The following SLC29A3 variants were observed in gnomAD, a reference collection of about 807,000 sequenced individuals.
SLC29A3 encodes the protein equilibrative nucleoside transporter 3.
SLC29A3 carries 18 observed loss-of-function variants against 25.4 expected under a neutral mutation model. That is an observed-to-expected ratio of 0.71 (90% CI 0.49 to 1.05). The LOEUF is 1.05. SLC29A3 is among the 50% of genes least tolerant of loss of function. The pLI, the probability that SLC29A3 is intolerant of heterozygous loss-of-function variation, is 0.00. For missense variants in SLC29A3, 586 were observed against 609.0 expected (o/e 0.96, Z 0.40); for synonymous variants, 258 against 267.1 (o/e 0.97, Z 0.33).
chr10:71,356,845 AAAG>A (rs1846926847), intron 5 of SLC29A3, among the ~76,000 whole-genome samples: 1 of 152,084 alleles, frequency 6.6e-6, no homozygotes, highest in Non-Finnish European at 1.5e-5. Flanking sequence ...CAAACAAACA[AAAG>A]ACAAACTCAC....
At chr10:71,327,205 C>T (rs1279173949) in intron 2 of SLC29A3, among the ~76,000 whole-genome samples, 2 of 152,184 alleles carry the variant, frequency 1.3e-5, no homozygotes, top group Non-Finnish European at 2.9e-5. Context: ...AAGGTTTACC[C>T]AGACACCCTC....
intron 2 of SLC29A3, among the ~76,000 whole-genome samples, chr10:71,336,876 G>C (rs1005893197): frequency 2.6e-5 from 4 of 152,232 alleles, no homozygotes; most frequent in African/African-American, 9.6e-5. Flanking sequence ...TTGAAGGCTG[G>C]GGAGAGCCCC....
At chr10:71,370,997 T>C (rs1025794700) in intron 3 of SLC29A3, among the ~76,000 whole-genome samples, 4 of 152,002 alleles carry the variant, frequency 2.6e-5, no homozygotes, top group Non-Finnish European at 4.4e-5. Context: ...CCCAGGCTGG[T>C]CTCGAACTCC....
intron 3 of SLC29A3, among the ~76,000 whole-genome samples, chr10:71,345,527 C>T (rs1417382415): frequency 1.3e-5 from 2 of 152,170 alleles, no homozygotes; most frequent in African/African-American, 4.8e-5. Flanking sequence ...GTCACAAAGC[C>T]CCCTTCATTT....
intron 1 of SLC29A3, chr10:71,319,528 C>A: frequency 2.4e-6 from 1 of 416,656 alleles, no homozygotes; most frequent in Non-Finnish European, 4.2e-6. Flanking sequence ...TCCCCAAATC[C>A]TCTCCCCTCC....
intron 2 of SLC29A3, among the ~76,000 whole-genome samples, chr10:71,326,467 C>T (rs1845974236): frequency 6.6e-6 from 1 of 152,216 alleles, no homozygotes; most frequent in Admixed American, 6.5e-5. Context: ...TTACAATCCG[C>T]TTTTATTTAC....
downstream of SLC29A3, chr10:71,364,245 T>C (rs1847144379): frequency 6.6e-6 from 1 of 152,212 alleles, no homozygotes; most frequent in Non-Finnish European, 1.5e-5. Flanking sequence ...CAGGTTTCTT[T>C]TTTGTGAACA....
intron 5 of SLC29A3, among the ~76,000 whole-genome samples, chr10:71,358,203 G>A (rs377013986): frequency 3.9e-5 from 6 of 152,080 alleles, no homozygotes; most frequent in South Asian, 2.1e-4. Context: ...TCCCTGGCTC[G>A]CAACTGCAAG....
At chr10:71,319,726 CCACAGGT>C in intron 1 of SLC29A3, 1 of 182,936 alleles carries the variant, frequency 5.5e-6, no homozygotes, top group African/African-American at 2.3e-5. Flanking sequence ...CAGTGCCTTC[CCACAGGT>C]TAGCCCTACC....
chr10:71,323,762 T>A (rs1334877273), intron 2 of SLC29A3, among the ~76,000 whole-genome samples: 5 of 152,176 alleles, frequency 3.3e-5, no homozygotes, highest in African/African-American at 1.2e-4. Flanking sequence ...GAGAGATTGC[T>A]GTGACTTGGG....
chr10:71,354,589 G>T (rs534068502), intron 4 of SLC29A3, among the ~76,000 whole-genome samples: 75 of 152,306 alleles, frequency 4.9e-4, no homozygotes, highest in Non-Finnish European at 8.7e-4. Flanking sequence ...CCTCTGCTTC[G>T]TGCAATAGTG....
rs1235309787 is a variant in SLC29A3 at position 71,322,909 on chromosome 10, G to A, written c.155G>A (p.Gly52Asp). ...GLQRPEDRFCGTYIIFFSLGI... is the reference protein window; with the variant it reads ...GLQRPEDRFCDTYIIFFSLGI... ...CAGAGGCCCGAGGACCGCTTCTGTGGCACATACATCATCTTCTTCAGCCTG... is the reference window on the plus strand; with the variant it reads ...CAGAGGCCCGAGGACCGCTTCTGTGACACATACATCATCTTCTTCAGCCTG... The change falls in exon 2 of 6, where the codon GGC becomes GAC. Residue 52 changes from glycine (G) to aspartate (D), a missense_variant. Transcript: ENST00000373189. The A allele has an allele frequency of 2.5e-6, 4 of 1,614,106 alleles. No homozygotes were observed. In the African/African-American group the frequency reaches 4.0e-5, roughly 16 times the overall value.
chr10:71,348,246 T>G (rs1281724239), intron 3 of SLC29A3, among the ~76,000 whole-genome samples: 1 of 152,272 alleles, frequency 6.6e-6, no homozygotes, highest in East Asian at 1.9e-4. Context: ...GCGCCTCATC[T>G]TTCCAGCCTG....
intron 2 of SLC29A3, among the ~76,000 whole-genome samples, chr10:71,332,299 G>A (rs993545644): frequency 6.6e-6 from 1 of 151,600 alleles, no homozygotes; most frequent in Non-Finnish European, 1.5e-5. Flanking sequence ...ACAGGCGCCC[G>A]CCACCACACC....
At chr10:71,372,251 T>C (rs974825445) in intron 3 of SLC29A3, among the ~76,000 whole-genome samples, 3 of 152,216 alleles carry the variant, frequency 2.0e-5, no homozygotes, top group African/African-American at 7.2e-5. Context: ...GGCAAGTGAA[T>C]GCATAATCTT....
chr10:71,357,839 A>G (rs910133783), intron 5 of SLC29A3, among the ~76,000 whole-genome samples: 6 of 152,208 alleles, frequency 3.9e-5, no homozygotes, highest in East Asian at 1.9e-4. Flanking sequence ...TATTTGATGT[A>G]GGAAAGGCAG....
At chr10:71,328,420 C>T (rs184439307) in intron 2 of SLC29A3, among the ~76,000 whole-genome samples, 28 of 152,266 alleles carry the variant, frequency 1.8e-4, no homozygotes, top group Middle Eastern at 3.4e-3. Context: ...TCATGGAGAC[C>T]GAGCGCTGGC....
intron 3 of SLC29A3, among the ~76,000 whole-genome samples, chr10:71,374,132 T>C (rs889451412): frequency 3.3e-5 from 5 of 152,228 alleles, no homozygotes; most frequent in Non-Finnish European, 7.3e-5. Flanking sequence ...CCTGGGCCCA[T>C]TTTCATTACT....
intron 2 of SLC29A3, among the ~76,000 whole-genome samples, chr10:71,329,658 G>A (rs1445957403): frequency 1.3e-5 from 2 of 152,154 alleles, no homozygotes; most frequent in Non-Finnish European, 2.9e-5. Flanking sequence ...GCTGAGGTGG[G>A]AGAACAGAAC....
Sources: gnomAD v4.1 joint callset for allele counts (sites outside exome capture counted in the v4.1 genomes callset) on GRCh38, gnomAD v4.1.1 for gene constraint, MANE v1.5 for transcripts, NCBI Gene and HGNC (gene_info 2026-07-23, HGNC 2026-07-21) for gene names.